The following SPATA22 variants were observed in gnomAD, a reference collection of about 807,000 sequenced individuals.
SPATA22 encodes the protein spermatogenesis associated 22.
SPATA22 carries 29 observed loss-of-function variants against 47.8 expected under a neutral mutation model. The observed-to-expected ratio is 0.61, with a 90% confidence interval of 0.45 to 0.83. The LOEUF (loss-of-function observed/expected upper bound fraction) is 0.83. SPATA22 is among the 40% of genes least tolerant of loss of function. The probability of loss-of-function intolerance (pLI) is 0.00; values close to 1 mark genes in which losing one functional copy is unlikely to be tolerated. For missense variants in SPATA22, 410 were observed against 421.7 expected (o/e 0.97, Z 0.24); for synonymous variants, 133 against 140.9 (o/e 0.94, Z 0.40).
intron 1 of SPATA22, among the ~76,000 whole-genome samples, chr17:3,487,851 C>G (rs954259907): frequency 3.9e-5 from 6 of 152,172 alleles, no homozygotes; most frequent in African/African-American, 1.2e-4. Flanking sequence ...TTGGGGTAGG[C>G]AAACGACAAT....
chr17:3,467,140 C>T (rs573885781), intron 3 of SPATA22, among the ~76,000 whole-genome samples: 13 of 152,148 alleles, frequency 8.5e-5, no homozygotes, highest in Admixed American at 2.6e-4. Flanking sequence ...ACAATATCCA[C>T]GTGAATTTTG....
Position 3,469,286 on chromosome 17 carries a change from C to G in SPATA22, c.40G>C (p.Ala14Pro), listed in dbSNP as rs778115638. ...AAAATAAAAAGTTGTTCAATACCTG[C>G]TGTACTTCGAGCTGAATTTTCATTT... ...SLNENSARST[A>P]GCLPVPLFNQ... The change falls in exon 2 of 9, where the codon GCA becomes CCA. Residue 14 changes from alanine to proline, a missense_variant. Ala to Pro is a conservative substitution (Grantham distance 27, BLOSUM62 -1). Coordinates refer to ENST00000572969, the MANE Select transcript of SPATA22 (RefSeq NM_001170698.2). The G allele has an allele frequency of 8.6e-6, 13 of 1,506,890 alleles. No homozygotes were observed. The highest frequency in any genetic ancestry group is 1.2e-5 in the Non-Finnish European group (13 of 1,095,976). The allele number at this position is 1,506,890 out of a possible 1,614,324, so 93.3% of individuals were successfully genotyped here.
intron 1 of SPATA22, among the ~76,000 whole-genome samples, chr17:3,505,982 T>C (rs943612514): frequency 5.9e-5 from 9 of 152,158 alleles, no homozygotes; most frequent in African/African-American, 2.2e-4. Flanking sequence ...GGTCTCGAAC[T>C]CCTGACCTCA....
intron 6 of SPATA22, among the ~76,000 whole-genome samples, chr17:3,447,747 G>A (rs1175893386): frequency 1.3e-5 from 2 of 152,072 alleles, no homozygotes; most frequent in African/African-American, 4.8e-5. Context: ...CTCATGAAGG[G>A]GCTACATCAT....
chr17:3,511,379 T>C lies in SPATA22; in HGVS notation c.-74+2033A>G, dbSNP rs544190759. 2.6e-5 allele frequency: 4 copies of C among 152,246 alleles called. No individual in the cohort carries two copies. In the East Asian group the frequency reaches 7.7e-4, roughly 29 times the overall value. The allele number at this position is 152,246 out of a possible 1,614,324, so 9.4% of individuals were successfully genotyped here. Reference sequence around the variant, plus strand: ...AAATAAATAATGGCTCAGGGAGACATCTGTGGTCCAAGAATCAGGACACTC... The same window carrying C: ...AAATAAATAATGGCTCAGGGAGACACCTGTGGTCCAAGAATCAGGACACTC... On this transcript the variant is annotated intron_variant, in intron 1 of 8. Transcript: ENST00000541913.
chr17:3,459,712 T>G (rs2073083918), intron 5 of SPATA22, among the ~76,000 whole-genome samples: 1 of 152,180 alleles, frequency 6.6e-6, no homozygotes, highest in African/African-American at 2.4e-5. Context: ...CTGGCCCTAA[T>G]TAAAATTTTT....
Position 3,490,966 on chromosome 17 carries a change from A to G in SPATA22, c.-73-21568T>C, listed in dbSNP as rs546437545. Among the ~76,000 whole-genome samples the G allele has an allele frequency of 1.3e-5, 2 of 152,330 alleles. No individual in the cohort carries two copies. The highest frequency in any genetic ancestry group is 4.8e-5 in the African/African-American group (2 of 41,574). On this transcript the variant is annotated intron_variant, in intron 1 of 8. Coordinates refer to the SPATA22 transcript ENST00000541913. The surrounding 1 kb of genome is among the most constrained non-coding windows in gnomAD (Gnocchi z 4.6). ...TTGTCAACCACGATTAATTTAGACT[A>G]TCCAGCTTGGTGGATTTTCAACTGA... is the stretch of plus-strand genomic sequence containing the variant.
At chr17:3,454,262 A>T (rs1367284722) in intron 5 of SPATA22, among the ~76,000 whole-genome samples, 1 of 150,466 alleles carries the variant, frequency 6.6e-6, no homozygotes, top group Non-Finnish European at 1.5e-5. Context: ...ATGGATTTGA[A>T]GAATTGATAT....
chr17:3,483,481 G>T (rs774585283), intron 1 of SPATA22: 1 of 1,607,236 alleles, frequency 6.2e-7, no homozygotes, highest in East Asian at 2.2e-5. Flanking sequence ...TAAGAAAGAC[G>T]TTTTTGATTT....
chr17:3,488,739 G>A lies in SPATA22; in HGVS notation c.-73-19341C>T, dbSNP rs1212160226. 1.3e-5 allele frequency among the ~76,000 whole-genome samples: 2 copies of A among 152,018 alleles called. No homozygotes were observed. Among genetic ancestry groups the A allele is most frequent in the Non-Finnish European group, 1.5e-5 (1 of 68,004 alleles). The stretch of plus-strand genomic sequence containing the variant: ...GTTAAGGGCAAAATCATTGCTCAAG[G>A]GTCACATAGATTGTCATATTGACTG... On this transcript the variant is annotated intron_variant, in intron 1 of 8. Transcript: ENST00000541913. This position sits in a 1 kb window ranked among gnomAD's most constrained non-coding sequence, Gnocchi z 6.1.
chr17:3,493,780 C>G (rs1021833653), intron 1 of SPATA22, among the ~76,000 whole-genome samples: 2 of 152,034 alleles, frequency 1.3e-5, no homozygotes, highest in Non-Finnish European at 2.9e-5. Flanking sequence ...GATTAGAGCC[C>G]AGGTCTCCTG....
Position 3,469,389 on chromosome 17 carries a change from C to G in SPATA22, c.-64G>C. 8.0e-7 allele frequency: 1 copy of G among 1,252,244 alleles called. No homozygotes were observed. The highest frequency in any genetic ancestry group is 2.5e-5 in the East Asian group (1 of 39,656). The allele number at this position is 1,252,244 out of a possible 1,614,324, so 77.6% of individuals were successfully genotyped here. A position where few individuals can be genotyped will look rare whatever the true frequency, so the allele number is the denominator to read the frequency against. The stretch of plus-strand genomic sequence containing the variant: ...TTCCAAATTTATAATATGACATTGT[C>G]CCACTAGACCTGCAAAGAAAGAAAC... On this transcript the variant is annotated 5_prime_UTR_variant, in exon 2 of 9. Coordinates refer to ENST00000572969, the MANE Select transcript of SPATA22 (RefSeq NM_001170698.2).
At chr17:3,502,451 T>A (rs539493936) in intron 1 of SPATA22, 1 of 152,340 alleles carries the variant, frequency 6.6e-6, no homozygotes, top group East Asian at 1.9e-4. Flanking sequence ...GCAGAATTGC[T>A]ATTTTTTTCA....
intron 5 of SPATA22, among the ~76,000 whole-genome samples, chr17:3,459,457 G>A (rs1209133141): frequency 6.6e-6 from 1 of 152,122 alleles, no homozygotes; most frequent in Non-Finnish European, 1.5e-5. Flanking sequence ...CCAGGCTGGA[G>A]TGCAGTGGCA....
intron 8 of SPATA22, among the ~76,000 whole-genome samples, chr17:3,442,925 G>A (rs547917382): frequency 6.6e-6 from 1 of 151,722 alleles, no homozygotes; most frequent in East Asian, 1.9e-4. Flanking sequence ...ATTCTACCTG[G>A]GATTACAAAC....
intron 1 of SPATA22, chr17:3,489,452 T>C (rs1195399245): frequency 1.1e-6 from 1 of 915,118 alleles, no homozygotes; most frequent in Non-Finnish European, 1.8e-6. Flanking sequence ...CTTTTTAAAA[T>C]TTTTATTCAC....
intron 1 of SPATA22, among the ~76,000 whole-genome samples, chr17:3,483,973 A>T (rs183661250): frequency 6.6e-6 from 1 of 152,200 alleles, no homozygotes; most frequent in Non-Finnish European, 1.5e-5. Flanking sequence ...TTATTTTTAA[A>T]AAAACATTTA....
At chr17:3,483,544 C>A (rs1342547785) in intron 1 of SPATA22, 1 of 1,614,176 alleles carries the variant, frequency 6.2e-7, no homozygotes, top group South Asian at 1.1e-5. Context: ...GATTGAGCAT[C>A]CTTCCCTCAA....
chr17:3,512,397 T>A (rs113498943), intron 1 of SPATA22: 1 of 152,244 alleles, frequency 6.6e-6, no homozygotes, highest in African/African-American at 2.4e-5. Flanking sequence ...CCAGCTAGTC[T>A]GGCACACAGA....
Sources: gnomAD v4.1 joint callset for allele counts (sites outside exome capture counted in the v4.1 genomes callset) on GRCh38, gnomAD v4.1.1 for gene constraint, Gnocchi (gnomAD v3.1) non-coding constraint, MANE v1.5 for transcripts, NCBI Gene and HGNC (gene_info 2026-07-23, HGNC 2026-07-21) for gene names.